The following HSPA9 variants were observed in gnomAD, a reference collection of about 807,000 sequenced individuals.
The protein encoded by HSPA9 is stress-70 protein, mitochondrial.
Under a neutral mutation model 81.5 loss-of-function variants are expected in HSPA9, and 28 were observed. That is an observed-to-expected ratio of 0.34 (90% CI 0.25 to 0.47). HSPA9 has a LOEUF of 0.47. HSPA9 is among the 20% of genes least tolerant of loss of function. HSPA9 has a pLI of 1.00. For missense variants in HSPA9, 678 were observed against 838.0 expected, an observed-to-expected ratio of 0.81 and a Z score of 2.36; for synonymous variants, 293 against 290.4, an observed-to-expected ratio of 1.01 and a Z score of -0.09.
intron 1 of HSPA9, chr5:138,574,930 C>T (rs1324297801): frequency 3.4e-5 from 17 of 505,666 alleles, no homozygotes; most frequent in Non-Finnish European, 7.0e-6. Flanking sequence ...CAATAGACTG[C>T]ATCCCTCACC....
Position 138,558,576 on chromosome 5 carries a change from T to G in HSPA9, c.1492A>C (p.Lys498Gln). ...QGEREMAGDN[K>Q]LLGQFTLIGI... ...ACCAAAGTAAACTGTCCAAGGAGTT[T>G]GTTGTCTCCAGCCATCTCTCTTTCA... The change falls in exon 12 of 17, where the codon AAA (lysine) becomes CAA (glutamine). Residue 498 changes from lysine to glutamine, a missense_variant. This residue lies in a region of HSPA9 where 484 missense variants were observed against 647.5 expected (regional missense o/e 0.75). Transcript: ENST00000297185. 6.2e-7 allele frequency: 1 copy of G among 1,611,178 alleles called. No individual in the cohort carries two copies. Among genetic ancestry groups the G allele is most frequent in the Non-Finnish European group, 8.5e-7 (1 of 1,177,344 alleles).
chr5:138,575,092 C>A, intron 1 of HSPA9, 146 bp downstream of exon 1: 1 of 641,042 alleles, frequency 1.6e-6, no homozygotes, highest in Non-Finnish European at 2.8e-6. Context: ...CCCGGCAGCG[C>A]TAACTATGGA....
chr5:138,556,608 C>CAA lies in HSPA9; in HGVS notation c.1822-18_1822-17dup. The CAA allele has an allele frequency of 3.1e-6, 5 of 1,613,318 alleles. No individual in the cohort carries two copies. Among genetic ancestry groups the CAA allele is most frequent in the Non-Finnish European group, 4.2e-6 (5 of 1,179,718 alleles). On this transcript the variant is annotated splice_polypyrimidine_tract_variant and intron_variant, in intron 15 of 16. Transcript: ENST00000297185. ...GCTTGTTGCACTTAAAAAAAGAAAA[C>CAA]AAAAATCCTTACTTTTCCAGGTCTC...
Position 138,573,262 on chromosome 5 carries a change from CAGGTA to C in HSPA9, c.228+496_228+500del, listed in dbSNP as rs1247468699. Among the ~76,000 whole-genome samples, 4 of 152,112 alleles carry C rather than the reference CAGGTA, an allele frequency of 2.6e-5. No individual in the cohort carries two copies. The East Asian group carries it at 7.7e-4, about 29-fold the overall frequency. On this transcript the variant is annotated intron_variant, in intron 3 of 16. Coordinates refer to ENST00000297185, the MANE Select transcript of HSPA9 (RefSeq NM_004134.7). Reference sequence around the variant, plus strand: ...CGGGCTGGTCTTGAACTTGGGACCTCAGGTAATCCACCCCCCTTGGCCTCCCAAAG... The same window carrying C: ...CGGGCTGGTCTTGAACTTGGGACCTCATCCACCCCCCTTGGCCTCCCAAAG...
At chr5:138,563,663 T>G (rs115801875) in intron 9 of HSPA9, among the ~76,000 whole-genome samples, 8,325 of 152,292 alleles carry the variant, frequency 0.055, 286 homozygotes, top group African/African-American at 0.1. Flanking sequence ...TTCACTTATC[T>G]AGGGAGAGAC....
intron 10 of HSPA9, chr5:138,561,212 A>C: frequency 2.6e-6 from 1 of 382,984 alleles, no homozygotes; most frequent in Admixed American, 3.0e-5. Flanking sequence ...CTCTGACCTC[A>C]AACTTTGTTT....
At chr5:138,558,947 G>A (rs1255380363) in intron 11 of HSPA9, 5 of 365,708 alleles carry the variant, frequency 1.4e-5, no homozygotes, top group Admixed American at 7.6e-5. Context: ...CTGGGGAAAC[G>A]GGATCAGAGA....
intron 14 of HSPA9, 161 bp downstream of exon 14, chr5:138,557,241 A>T: frequency 4.5e-6 from 3 of 673,548 alleles, no homozygotes; most frequent in Non-Finnish European, 8.2e-6. Context: ...CTGGGACTGC[A>T]GGCGTGCACC....
At chr5:138,573,309 G>T (rs536033013) in intron 3 of HSPA9, among the ~76,000 whole-genome samples, 2 of 152,238 alleles carry the variant, frequency 1.3e-5, no homozygotes, top group Non-Finnish European at 2.9e-5. Flanking sequence ...GACTGCAGGC[G>T]TGAGCCATTA....
At chr5:138,575,104 G>T (rs1751059171) in intron 1 of HSPA9, 134 bp downstream of exon 1, 2 of 659,688 alleles carry the variant, frequency 3.0e-6, no homozygotes, top group East Asian at 5.5e-5. Context: ...AACTATGGAA[G>T]GCCCGTTACC....
chr5:138,561,078 G>A (rs1219072187), intron 10 of HSPA9: 2 of 499,078 alleles, frequency 4.0e-6, no homozygotes, highest in Middle Eastern at 3.2e-4. Flanking sequence ...CGTTCTTTCA[G>A]AATGATGTGT....
chr5:138,564,942 CT>C lies in HSPA9; in HGVS notation c.972+1683del, dbSNP rs574863046. Among the ~76,000 whole-genome samples, 518 of 152,294 alleles carry C rather than the reference CT, an allele frequency of 3.4e-3. 5 individuals carry two copies. The highest frequency in any genetic ancestry group is 0.012 in the African/African-American group (486 of 41,564). ...CTTGCAGAACCACCCTTAACCTTTA[CT>C]TTGTATCACTTCTAGTTTAACGTTT... On this transcript the variant is annotated intron_variant, in intron 9 of 16. Coordinates refer to ENST00000297185, the MANE Select transcript of HSPA9 (RefSeq NM_004134.7).
At chr5:138,572,313 T>C (rs529554623) in intron 3 of HSPA9, among the ~76,000 whole-genome samples, 7 of 151,476 alleles carry the variant, frequency 4.6e-5, no homozygotes, top group African/African-American at 1.7e-4. Context: ...TAATTGTATG[T>C]ATCTAACTTC....
intron 1 of HSPA9, 96 bp from the exon 2 acceptor site, chr5:138,574,222 G>A: frequency 2.4e-6 from 2 of 821,152 alleles, no homozygotes; most frequent in South Asian, 1.4e-5. Context: ...AATACATTAA[G>A]CTACTAAAAC....
intron 9 of HSPA9, among the ~76,000 whole-genome samples, chr5:138,564,327 C>T (rs1045723586): frequency 1.7e-4 from 26 of 152,340 alleles, no homozygotes; most frequent in African/African-American, 6.0e-4. Context: ...TGGTCTGGAA[C>T]TCCTGACCTC....
intron 7 of HSPA9, 107 bp downstream of exon 7, chr5:138,567,348 T>C: frequency 2.8e-6 from 3 of 1,077,554 alleles, no homozygotes; most frequent in Non-Finnish European, 4.2e-6. Context: ...ACAAAGACAA[T>C]ACAGACTTAA....
intron 3 of HSPA9, among the ~76,000 whole-genome samples, chr5:138,572,226 G>C (rs1750921280): frequency 6.6e-6 from 1 of 150,672 alleles, no homozygotes; most frequent in Non-Finnish European, 1.5e-5. Flanking sequence ...TGACCCACCA[G>C]GCCTGGCCCT....
intron 9 of HSPA9, among the ~76,000 whole-genome samples, chr5:138,565,515 GA>G (rs1750743046): frequency 6.6e-6 from 1 of 152,120 alleles, no homozygotes; most frequent in Non-Finnish European, 1.5e-5. Context: ...CAAGACACCG[GA>G]AATAGATCTG....
intron 12 of HSPA9, 79 bp downstream of exon 12, chr5:138,558,474 A>G: frequency 1.0e-6 from 1 of 960,816 alleles, no homozygotes; most frequent in Non-Finnish European, 1.7e-6. Flanking sequence ...AGCAGTTTAT[A>G]CTAATATTTT....
Sources: allele counts gnomAD v4.1 joint callset (sites outside exome capture counted in the v4.1 genomes callset), GRCh38; gene constraint gnomAD v4.1.1; regional missense constraint gnomAD v4.1.1; transcripts MANE v1.5; gene names NCBI Gene and HGNC (gene_info 2026-07-23, HGNC 2026-07-21).